Variants in CREBBP observed in about 807,000 individuals in gnomAD.
CREBBP encodes CREB binding lysine acetyltransferase.
In CREBBP, 19 loss-of-function variants were observed where a neutral mutation model predicts 265.0. That is an observed-to-expected ratio of 0.07 (90% CI 0.05 to 0.11). The LOEUF (loss-of-function observed/expected upper bound fraction) is 0.11, where lower values mean the gene tolerates loss of function less well. Ranked by LOEUF, CREBBP falls within the 10% of genes least tolerant of loss-of-function variation. The pLI is 1.00. For synonymous variants in CREBBP, 1,457 were observed against 1,223.7 expected (o/e 1.19, Z -3.98); for missense variants, 2,525 against 3,219.0 (o/e 0.78, Z 5.22).
At position 3,748,103 on chromosome 16, in the gene CREBBP, A is replaced by AC. The variant is rs1367470121; in HGVS notation, c.3836+1523_3836+1524insG. On this transcript the variant is annotated intron_variant, in intron 21 of 30. Coordinates refer to ENST00000262367, the MANE Select transcript of CREBBP (RefSeq NM_004380.3). ...GAAACTCCATCTCAAAAATAAAAAT[A>AC]AATACATACATACATACATACATAA... Among the ~76,000 whole-genome samples the AC allele has an allele frequency of 3.1e-3, 455 of 148,928 alleles. 2 individuals carry two copies. The highest frequency in any genetic ancestry group is 0.011 in the African/African-American group (431 of 38,678).
rs138314886 is a variant in CREBBP at position 3,770,896 on chromosome 16, G to T, written c.2554C>A (p.Pro852Thr). 6.2e-7 allele frequency: 1 copy of T among 1,613,758 alleles called. No individual in the cohort carries two copies. The highest frequency in any genetic ancestry group is 1.3e-5 in the African/African-American group (1 of 74,898). ...QLPCPPVTQS[P>T]LHPTPPPAST... ...GCAGGAGGCGGTGTTGGGTGCAGTGGTGACTGTGTCACTGGAGGGCAAGGT... is the reference window on the plus strand; with the variant it reads ...GCAGGAGGCGGTGTTGGGTGCAGTGTTGACTGTGTCACTGGAGGGCAAGGT... The change falls in exon 14 of 31, where the codon CCA becomes ACA. Residue 852 changes from proline (P) to threonine (T), a missense_variant. Pro to Thr is a conservative substitution (Grantham distance 38, BLOSUM62 -1). Around this residue, in one of 19 missense-constraint regions of CREBBP, gnomAD observed 548 missense variants for 533.0 expected, o/e 1.03. Transcript: ENST00000262367.
At chr16:3,803,688 C>A (rs2053771861) in intron 3 of CREBBP, among the ~76,000 whole-genome samples, 1 of 152,052 alleles carries the variant, frequency 6.6e-6, no homozygotes, top group Non-Finnish European at 1.5e-5. Flanking sequence ...AGGGACTTGC[C>A]ACTCCCTCCC....
intron 20 of CREBBP, among the ~76,000 whole-genome samples, chr16:3,751,285 T>A (rs1385251721): frequency 1.3e-5 from 2 of 152,066 alleles, no homozygotes; most frequent in East Asian, 3.9e-4. Context: ...TCAAATTAAA[T>A]GTGATCATAG....
intron 2 of CREBBP, among the ~76,000 whole-genome samples, chr16:3,827,053 G>A (rs1290892067): frequency 1.3e-5 from 2 of 152,158 alleles, no homozygotes; most frequent in East Asian, 1.9e-4. Context: ...TACTGAGAAA[G>A]TTGAGGCTTG....
intron 11 of CREBBP, among the ~76,000 whole-genome samples, chr16:3,776,700 C>T (rs532341884): frequency 6.6e-6 from 1 of 152,252 alleles, no homozygotes; most frequent in East Asian, 1.9e-4. Flanking sequence ...TACCACACCC[C>T]CTTCACCATC....
intron 28 of CREBBP, among the ~76,000 whole-genome samples, chr16:3,734,110 C>T (rs536809983): frequency 6.6e-6 from 1 of 152,316 alleles, no homozygotes; most frequent in East Asian, 1.9e-4. Flanking sequence ...ACATTCCTCA[C>T]GAAGCTGGGA....
chr16:3,855,029 G>C (rs572921281), intron 1 of CREBBP, among the ~76,000 whole-genome samples: 2 of 152,172 alleles, frequency 1.3e-5, no homozygotes, highest in Admixed American at 1.3e-4. Context: ...CTCAGGAAAT[G>C]TAACACTGAT....
At chr16:3,740,356 TG>T (rs775632130) in intron 24 of CREBBP, 42 bp downstream of exon 24, 1 of 1,611,466 alleles carries the variant, frequency 6.2e-7, no homozygotes, top group East Asian at 2.2e-5. Context: ...CAAGCGGGCG[TG>T]GGGACTGCTC....
chr16:3,848,656 C>G (rs1376867296), intron 2 of CREBBP, among the ~76,000 whole-genome samples: 6 of 152,040 alleles, frequency 3.9e-5, no homozygotes, highest in African/African-American at 1.5e-4. Flanking sequence ...GGAATCATTG[C>G]TTTATACTAT....
chr16:3,768,150 T>TG (rs1567296534), intron 15 of CREBBP, among the ~76,000 whole-genome samples: 3 of 114,222 alleles, frequency 2.6e-5, no homozygotes, highest in African/African-American at 7.7e-5. Flanking sequence ...TTTTTTTTTT[T>TG]TTTTTTTTTT....
At chr16:3,747,845 C>A (rs1596830110) in intron 21 of CREBBP, among the ~76,000 whole-genome samples, 1 of 151,666 alleles carries the variant, frequency 6.6e-6, no homozygotes, top group Non-Finnish European at 1.5e-5. Context: ...ATCCCAGCAC[C>A]TTGAGAGGCC....
At chr16:3,751,957 G>C in intron 19 of CREBBP, 151 bp from the exon 20 acceptor site, 1 of 731,366 alleles carries the variant, frequency 1.4e-6, no homozygotes, top group Admixed American at 2.0e-5. Flanking sequence ...ACAATGAAAG[G>C]AACAGGGGGC....
At chr16:3,827,292 T>C (rs1035375747) in intron 2 of CREBBP, among the ~76,000 whole-genome samples, 4 of 152,168 alleles carry the variant, frequency 2.6e-5, no homozygotes, top group South Asian at 2.1e-4. Flanking sequence ...TGTTCTTGTG[T>C]TGAAAATTTA....
intron 2 of CREBBP, among the ~76,000 whole-genome samples, chr16:3,841,178 G>T (rs371639964): frequency 6.6e-6 from 1 of 151,728 alleles, no homozygotes; most frequent in East Asian, 1.9e-4. Context: ...GATGTATAAG[G>T]GGTCTGTGTA....
chr16:3,791,894 T>C, intron 5 of CREBBP, 87 bp downstream of exon 5: 2 of 1,158,894 alleles, frequency 1.7e-6, no homozygotes, highest in Non-Finnish European at 2.6e-6. Flanking sequence ...TCATAACCCC[T>C]GCCCACTCCC....
At chr16:3,769,727 C>G (rs916247480) in intron 14 of CREBBP, among the ~76,000 whole-genome samples, 7 of 152,198 alleles carry the variant, frequency 4.6e-5, no homozygotes, top group African/African-American at 1.7e-4. Context: ...CTAAGCACAT[C>G]TGAAGGGAGG....
chr16:3,855,517 A>G (rs1340133878), intron 1 of CREBBP, among the ~76,000 whole-genome samples: 2 of 152,152 alleles, frequency 1.3e-5, no homozygotes, highest in Non-Finnish European at 2.9e-5. Flanking sequence ...CGCCCGCCTA[A>G]GCCTCCCAAA....
Position 3,758,941 on chromosome 16 carries a change from G to C in CREBBP, c.3282C>G (p.Leu1094=). 6.2e-7 allele frequency: 1 copy of C among 1,613,170 alleles called. No individual in the cohort carries two copies. Among genetic ancestry groups the C allele is most frequent in the Non-Finnish European group, 8.5e-7 (1 of 1,179,998 alleles). ...IFKPEELRQA[L]MPTLEALYRQ... ...GATACAGTGCTTCTAGGGTTGGCAT[G>C]AGGGCCTGGCGTAACTCCTCTGGTT... The change falls in exon 17 of 31, where the codon CTC becomes CTG. Residue 1094 remains leucine, a synonymous_variant. Transcript: ENST00000262367.
intron 3 of CREBBP, among the ~76,000 whole-genome samples, chr16:3,797,756 C>T (rs1452147073): frequency 6.6e-6 from 1 of 151,498 alleles, no homozygotes; most frequent in Non-Finnish European, 1.5e-5. Flanking sequence ...CATCTTTGAT[C>T]CTTATCTTCC....
Sources: allele counts gnomAD v4.1 joint callset (sites outside exome capture counted in the v4.1 genomes callset), GRCh38; gene constraint gnomAD v4.1.1; regional missense constraint gnomAD v4.1.1; transcripts MANE v1.5; gene names NCBI Gene and HGNC (gene_info 2026-07-23, HGNC 2026-07-21).